Variants in FBP2 observed in about 807,000 individuals in gnomAD.
FBP2 encodes fructose-1,6-bisphosphatase isozyme 2.
FBP2 carries 27 observed loss-of-function variants against 31.6 expected under a neutral mutation model. The observed-to-expected ratio is 0.85, with a 90% confidence interval of 0.63 to 1.18. FBP2 has a LOEUF of 1.18. Ranked by LOEUF, FBP2 falls within the 50% of genes most tolerant of loss-of-function variation. FBP2 has a pLI of 0.00. For missense variants in FBP2, 421 were observed against 436.1 expected, an observed-to-expected ratio of 0.97 and a Z score of 0.31; for synonymous variants, 168 against 179.8, an observed-to-expected ratio of 0.93 and a Z score of 0.53.
intron 5 of FBP2, among the ~76,000 whole-genome samples, chr9:94,566,517 AAC>A (rs1185377731): frequency 6.6e-6 from 1 of 152,230 alleles, no homozygotes; most frequent in Admixed American, 6.5e-5. Context: ...TATCTATAGA[AAC>A]AATGCTAATG....
At chr9:94,569,289 C>T (rs1226656456) in intron 4 of FBP2, 1 of 152,268 alleles carries the variant, frequency 6.6e-6, no homozygotes, top group African/African-American at 2.4e-5. Flanking sequence ...GTTGCGAGAC[C>T]ACTGCCGTGC....
chr9:94,564,013 G>T (rs1827149049), intron 5 of FBP2, among the ~76,000 whole-genome samples: 1 of 152,140 alleles, frequency 6.6e-6, no homozygotes, highest in Non-Finnish European at 1.5e-5. Flanking sequence ...CCTTCAAAGA[G>T]ACTTAGACAC....
chr9:94,566,680 G>T (rs1479518953), intron 5 of FBP2, among the ~76,000 whole-genome samples: 3 of 152,244 alleles, frequency 2.0e-5, no homozygotes, highest in African/African-American at 7.2e-5. Flanking sequence ...CACCAAGCTG[G>T]TCTTGGCAGG....
rs1342320471 is a variant in FBP2 at position 94,564,752 on chromosome 9, A to C, written c.706-1291T>G. On this transcript the variant is annotated intron_variant, in intron 5 of 6. Coordinates refer to ENST00000375337, the MANE Select transcript of FBP2 (RefSeq NM_003837.4). Reference sequence around the variant, plus strand: ...GGGAGACAAACAATCTATACAGCAAACCCCCATGACAGGAGTTTACTTATA... The same window carrying C: ...GGGAGACAAACAATCTATACAGCAACCCCCCATGACAGGAGTTTACTTATA... 2.0e-5 allele frequency among the ~76,000 whole-genome samples: 3 copies of C among 152,002 alleles called. No individual in the cohort carries two copies. The East Asian group carries it at 5.8e-4, about 29-fold the overall frequency.
At chr9:94,567,744 C>T (rs755637646) in intron 4 of FBP2, 2 of 246,824 alleles carry the variant, frequency 8.1e-6, no homozygotes, top group Non-Finnish European at 1.6e-5. Context: ...CCCAAGTTCT[C>T]ACCCGCAGAT....
At chr9:94,564,165 A>C (rs1262248418) in intron 5 of FBP2, among the ~76,000 whole-genome samples, 1 of 152,210 alleles carries the variant, frequency 6.6e-6, no homozygotes, top group African/African-American at 2.4e-5. Context: ...TCCACCCAAA[A>C]CCAGAAAAAT....
At chr9:94,565,564 GAC>G (rs1381769800) in intron 5 of FBP2, among the ~76,000 whole-genome samples, 1 of 152,090 alleles carries the variant, frequency 6.6e-6, no homozygotes, top group Non-Finnish European at 1.5e-5. Context: ...TCTTTCAGCA[GAC>G]ACACAGTGAA....
Position 94,567,265 on chromosome 9 carries a change from C to G in FBP2, c.705+5G>C. 6.2e-7 allele frequency: 1 copy of G among 1,614,098 alleles called. No homozygotes were observed. Among genetic ancestry groups the G allele is most frequent in the Non-Finnish European group, 8.5e-7 (1 of 1,180,004 alleles). ...TCTGCCACCCACCTGGCTTTCTTCA[C>G]TCACCTCAGGGAATTTCTTTTTCTG... On this transcript the variant is annotated splice_donor_5th_base_variant and intron_variant, in intron 5 of 6. Transcript: ENST00000375337.
intron 3 of FBP2, among the ~76,000 whole-genome samples, chr9:94,582,338 ATGTGTGTGTGTGCG>A (rs1408357899): frequency 4.0e-4 from 53 of 132,024 alleles, no homozygotes; most frequent in African/African-American, 1.3e-3. Context: ...TCTGTTAAAT[ATGTGTGTGTGTGCG>A]TGTGTGTGTG....
rs1459789430 is a variant in FBP2, at chr9:94,558,838, C to G, written c.*100G>C. 2.6e-6 allele frequency: 3 copies of G among 1,135,628 alleles called. No individual in the cohort carries two copies. The Admixed American group carries it at 6.2e-5, about 23-fold the overall frequency. 70.3% of individuals were successfully genotyped at this position (1,135,628 alleles called of 1,614,324 possible). A position where few individuals can be genotyped will look rare whatever the true frequency, so the allele number is the denominator to read the frequency against. Reference sequence around the variant, plus strand: ...TTCTGTATGTGATTAAGTGGATTTACCTTTTGTATACTCATAGCTACCATC... The same window carrying G: ...TTCTGTATGTGATTAAGTGGATTTAGCTTTTGTATACTCATAGCTACCATC... On this transcript the variant is annotated 3_prime_UTR_variant, in exon 7 of 7. Transcript: ENST00000375337.
intron 3 of FBP2, chr9:94,577,304 G>T (rs1408902496): frequency 6.6e-6 from 1 of 152,164 alleles, no homozygotes; most frequent in Non-Finnish European, 1.5e-5. Flanking sequence ...GTCCAATCCA[G>T]GGGTTCAGCC....
intron 5 of FBP2, among the ~76,000 whole-genome samples, chr9:94,563,918 T>C (rs566833284): frequency 3.2e-4 from 48 of 152,278 alleles, no homozygotes; most frequent in Middle Eastern, 6.8e-3. Flanking sequence ...GGTAAAGGGC[T>C]CAATTCAACA....
Position 94,558,903 on chromosome 9 carries a change from A to G in FBP2, c.*35T>C. ...ATTTAGGGTCCTTAGACAAGGTGCA[A>G]GACAAACAGAAGAGGGCATGTGGGG... is the stretch of plus-strand genomic sequence containing the variant. On this transcript the variant is annotated 3_prime_UTR_variant, in exon 7 of 7. Transcript: ENST00000375337. The G allele has an allele frequency of 6.2e-7, 1 of 1,602,668 alleles. No individual in the cohort carries two copies. The highest frequency in any genetic ancestry group is 1.1e-5 in the South Asian group (1 of 90,784).
chr9:94,578,685 C>T (rs1175400821), intron 3 of FBP2, among the ~76,000 whole-genome samples: 1 of 151,970 alleles, frequency 6.6e-6, no homozygotes, highest in Non-Finnish European at 1.5e-5. Flanking sequence ...ACTAAGTTTC[C>T]ACTAAAATTT....
intron 3 of FBP2, among the ~76,000 whole-genome samples, chr9:94,580,014 A>C (rs983605301): frequency 2.2e-4 from 33 of 152,246 alleles, no homozygotes; most frequent in Non-Finnish European, 4.3e-4. Flanking sequence ...ATACACTCAC[A>C]GTTTGACTTC....
At chr9:94,589,467 T>C (rs548973218) in intron 1 of FBP2, among the ~76,000 whole-genome samples, 5 of 152,340 alleles carry the variant, frequency 3.3e-5, no homozygotes, top group East Asian at 3.9e-4. Flanking sequence ...CTGCATGACC[T>C]GCTTGCAGAG....
chr9:94,584,098 G>A (rs571054166), intron 3 of FBP2, among the ~76,000 whole-genome samples: 1 of 152,264 alleles, frequency 6.6e-6, no homozygotes, highest in Non-Finnish European at 1.5e-5. Context: ...AGCATTACAT[G>A]GCAACAAAGA....
intron 1 of FBP2, among the ~76,000 whole-genome samples, chr9:94,591,348 C>G (rs1281288696): frequency 1.3e-5 from 2 of 152,248 alleles, no homozygotes; most frequent in Non-Finnish European, 2.9e-5. Context: ...GCCAGCACTG[C>G]TGGGGGACTC....
At chr9:94,583,571 A>ACTGG (rs910193715) in intron 3 of FBP2, among the ~76,000 whole-genome samples, 2 of 152,178 alleles carry the variant, frequency 1.3e-5, no homozygotes, top group Non-Finnish European at 2.9e-5. Flanking sequence ...ATACAATGTA[A>ACTGG]CTGGCACTCT....
Sources: gnomAD v4.1 joint callset for allele counts (sites outside exome capture counted in the v4.1 genomes callset) on GRCh38, gnomAD v4.1.1 for gene constraint, MANE v1.5 for transcripts, NCBI Gene and HGNC (gene_info 2026-07-23, HGNC 2026-07-21) for gene names.